Variants in DOCK1 observed in about 807,000 individuals in gnomAD.
DOCK1 encodes dedicator of cytokinesis 1, also known as dedicator of cytokinesis protein 1.
In DOCK1, 138 loss-of-function variants were observed where a neutral mutation model predicts 262.7. The ratio of observed to expected loss-of-function variants is 0.53; its 90% CI spans 0.46 to 0.61. The LOEUF (loss-of-function observed/expected upper bound fraction) is 0.61, where lower values mean the gene tolerates loss of function less well. DOCK1 is among the 20% of genes least tolerant of loss of function. DOCK1 has a pLI of 0.00. For missense variants in DOCK1, 1,908 were observed against 2,370.7 expected, an observed-to-expected ratio of 0.80 and a Z score of 4.05; for synonymous variants, 866 against 867.4, an observed-to-expected ratio of 1.00 and a Z score of 0.03.
Position 127,100,490 on chromosome 10 carries a change from C to A in DOCK1, c.2446-5741C>A, listed in dbSNP as rs1224362657. Among the ~76,000 whole-genome samples, 2 of 152,122 alleles carry A rather than the reference C, an allele frequency of 1.3e-5. No individual in the cohort carries two copies. Among genetic ancestry groups the A allele is most frequent in the Non-Finnish European group, 2.9e-5 (2 of 68,024 alleles). On this transcript the variant is annotated intron_variant, in intron 23 of 51. Transcript: ENST00000623213. The surrounding 1 kb of genome is among the most constrained non-coding windows in gnomAD (Gnocchi z 5.5). Reference sequence around the variant, plus strand: ...AGGGGGAGTTTGCAATGTCTAGGGTCAGCCAGGGTGGACCCCGGTGGGTGT... The same window carrying A: ...AGGGGGAGTTTGCAATGTCTAGGGTAAGCCAGGGTGGACCCCGGTGGGTGT...
intron 47 of DOCK1, among the ~76,000 whole-genome samples, chr10:127,428,307 C>G (rs1210500305): frequency 6.6e-6 from 1 of 152,034 alleles, no homozygotes; most frequent in Non-Finnish European, 1.5e-5. Flanking sequence ...ATATTCCCTT[C>G]TCTGCCACAT....
chr10:127,270,574 T>A (rs2135172216), intron 29 of DOCK1, among the ~76,000 whole-genome samples: 1 of 148,812 alleles, frequency 6.7e-6, no homozygotes, highest in South Asian at 2.2e-4. Flanking sequence ...TCTTTCCCAG[T>A]GTCCTTGCCT....
intron 25 of DOCK1, among the ~76,000 whole-genome samples, chr10:127,122,627 C>CA (rs2049671150): frequency 1.1e-5 from 1 of 90,614 alleles, no homozygotes; most frequent in Admixed American, 1.5e-4. Flanking sequence ...ATGGTTATAA[C>CA]AATTTTTTTT....
intron 22 of DOCK1, among the ~76,000 whole-genome samples, chr10:127,059,859 G>A (rs1174324275): frequency 6.6e-6 from 1 of 152,122 alleles, no homozygotes; most frequent in Non-Finnish European, 1.5e-5. Context: ...ATTTTTGTTT[G>A]AAGTCAAGAC....
chr10:127,197,249 C>T (rs1025339466), intron 27 of DOCK1, among the ~76,000 whole-genome samples: 2 of 152,150 alleles, frequency 1.3e-5, no homozygotes, highest in African/African-American at 2.4e-5. Context: ...CCCTACCCCC[C>T]ATCCAGAGCA....
intron 10 of DOCK1, among the ~76,000 whole-genome samples, chr10:127,006,968 G>A (rs9787423): frequency 0.024 from 3,680 of 152,192 alleles, 97 homozygotes; most frequent in East Asian, 0.087. Context: ...TGGTGGTCTC[G>A]GGCATCTTGG....
intron 29 of DOCK1, among the ~76,000 whole-genome samples, chr10:127,271,546 A>G (rs1213800617): frequency 2.0e-5 from 3 of 152,196 alleles, no homozygotes; most frequent in Non-Finnish European, 1.5e-5. Context: ...TTTTCTATAC[A>G]TTGTTTTTCA....
intron 49 of DOCK1, among the ~76,000 whole-genome samples, chr10:127,441,928 G>GC (rs1246274056): frequency 1.3e-5 from 2 of 152,108 alleles, no homozygotes; most frequent in East Asian, 3.9e-4. Flanking sequence ...GTCAGAATGT[G>GC]CCCTCCCTGG....
At chr10:127,215,342 G>T (rs1289450858) in intron 27 of DOCK1, among the ~76,000 whole-genome samples, 1 of 152,144 alleles carries the variant, frequency 6.6e-6, no homozygotes, top group Non-Finnish European at 1.5e-5. Context: ...GAGCACTAGG[G>T]AAGACCCAGC....
intron 22 of DOCK1, among the ~76,000 whole-genome samples, chr10:127,057,561 A>G (rs546895847): frequency 4.6e-5 from 7 of 152,352 alleles, no homozygotes; most frequent in African/African-American, 7.2e-5. Flanking sequence ...GCTATGGCCC[A>G]AAGACATTTG....
At chr10:127,204,642 G>A (rs1392700962) in intron 27 of DOCK1, among the ~76,000 whole-genome samples, 1 of 152,186 alleles carries the variant, frequency 6.6e-6, no homozygotes, top group Non-Finnish European at 1.5e-5. Flanking sequence ...CTCAAAAGGT[G>A]AAGTAGCTTT....
At chr10:127,083,105 A>G (rs975707488) in intron 23 of DOCK1, among the ~76,000 whole-genome samples, 2 of 152,180 alleles carry the variant, frequency 1.3e-5, no homozygotes, top group African/African-American at 4.8e-5. Context: ...TGTTTTCATT[A>G]AACACATAGA....
chr10:127,150,227 A>G (rs1004294108), intron 27 of DOCK1, among the ~76,000 whole-genome samples: 6 of 152,154 alleles, frequency 3.9e-5, no homozygotes, highest in Non-Finnish European at 7.3e-5. Context: ...CTGGGTTCTG[A>G]ACACTTTTCT....
chr10:127,055,631 G>C (rs1591830149), intron 22 of DOCK1, among the ~76,000 whole-genome samples: 1 of 152,200 alleles, frequency 6.6e-6, no homozygotes, highest in African/African-American at 2.4e-5. Flanking sequence ...CAGATGGTCT[G>C]TTCCCTGAGA....
chr10:127,433,814 G>A (rs1409026304), intron 48 of DOCK1, among the ~76,000 whole-genome samples: 1 of 151,900 alleles, frequency 6.6e-6, no homozygotes. Flanking sequence ...AAAACAGTAT[G>A]AGATTGTTTT....
intron 39 of DOCK1, among the ~76,000 whole-genome samples, 174 bp downstream of exon 39, chr10:127,403,318 G>T (rs996525075): frequency 6.6e-6 from 1 of 152,134 alleles, no homozygotes; most frequent in Non-Finnish European, 1.5e-5. Context: ...TTGATATTTG[G>T]CCCATAAATA....
At chr10:127,264,047 G>A (rs2060269690) in intron 29 of DOCK1, among the ~76,000 whole-genome samples, 1 of 152,158 alleles carries the variant, frequency 6.6e-6, no homozygotes, top group African/African-American at 2.4e-5. Flanking sequence ...TACAACATGT[G>A]GTGGGTGAGA....
intron 21 of DOCK1, among the ~76,000 whole-genome samples, chr10:127,051,334 C>T (rs1000112013): frequency 1.3e-5 from 2 of 152,018 alleles, no homozygotes; most frequent in African/African-American, 2.4e-5. Flanking sequence ...AGTATTCTTA[C>T]TATTCTTATA....
chr10:127,384,845 C>T lies in DOCK1; in HGVS notation c.3863C>T (p.Thr1288Ile). The T allele has an allele frequency of 1.2e-6, 2 of 1,609,712 alleles. No individual in the cohort carries two copies. Among genetic ancestry groups the T allele is most frequent in the Non-Finnish European group, 8.5e-7 (1 of 1,178,706 alleles). Residue 1288 changes from threonine (T) to isoleucine (I), a missense_variant, in exon 38 of 52, where the codon ACC (threonine) becomes ATC (isoleucine). Around this residue, in one of 9 missense-constraint regions of DOCK1, gnomAD observed 267 missense variants for 366.3 expected, o/e 0.73. Coordinates refer to ENST00000623213, the MANE Select transcript of DOCK1 (RefSeq NM_001290223.2). ...HLTQRDGYQA[T>I]TQGQLKEQLY... ...ACCCAGCGGGACGGGTACCAGGCCA[C>T]CACGCAGGGACAGCTGAAGGAGCAG...
Sources: allele counts gnomAD v4.1 joint callset (sites outside exome capture counted in the v4.1 genomes callset), GRCh38; gene constraint gnomAD v4.1.1; regional missense constraint gnomAD v4.1.1; non-coding constraint Gnocchi (gnomAD v3.1); transcripts MANE v1.5; gene names NCBI Gene and HGNC (gene_info 2026-07-23, HGNC 2026-07-21).